HS3ST5: variants seen among roughly 807,000 people sequenced by gnomAD.
HS3ST5 encodes the protein heparan sulfate-glucosamine 3-sulfotransferase 5.
HS3ST5 carries 10 observed loss-of-function variants against 25.4 expected under a neutral mutation model. The ratio of observed to expected loss-of-function variants is 0.39; its 90% CI spans 0.24 to 0.67. The LOEUF (loss-of-function observed/expected upper bound fraction) is 0.67, where lower values mean the gene tolerates loss of function less well. HS3ST5 is among the 30% of genes least tolerant of loss of function. The pLI is 0.44. For missense variants in HS3ST5, 324 were observed against 420.7 expected (o/e 0.77, Z 2.01); for synonymous variants, 170 against 162.4 (o/e 1.05, Z -0.36).
At chr6:114,301,886 C>A (rs947249509) in intron 1 of HS3ST5, among the ~76,000 whole-genome samples, 9 of 152,130 alleles carry the variant, frequency 5.9e-5, no homozygotes, top group Admixed American at 4.6e-4. Context: ...GGAAGGGCAA[C>A]CAAGGGCTTT....
At chr6:114,324,728 T>A (rs769420481) in intron 1 of HS3ST5, among the ~76,000 whole-genome samples, 6 of 152,198 alleles carry the variant, frequency 3.9e-5, no homozygotes, top group Non-Finnish European at 5.9e-5. Context: ...CACTGTATAG[T>A]GGTGTTCTGA....
chr6:114,105,555 C>T (rs185902033), intron 3 of HS3ST5, among the ~76,000 whole-genome samples: 2 of 152,064 alleles, frequency 1.3e-5, no homozygotes, highest in East Asian at 3.9e-4. Flanking sequence ...GGAAATGTAA[C>T]CACAGTAACA....
chr6:114,314,756 T>TAC (rs1775681321), intron 1 of HS3ST5, among the ~76,000 whole-genome samples: 2 of 152,230 alleles, frequency 1.3e-5, no homozygotes, highest in Non-Finnish European at 2.9e-5. Context: ...AATTTTCATT[T>TAC]ACATCTGTTT....
At chr6:114,144,389 T>G (rs1778053593) in intron 3 of HS3ST5, among the ~76,000 whole-genome samples, 1 of 150,870 alleles carries the variant, frequency 6.6e-6, no homozygotes, top group Non-Finnish European at 1.5e-5. Flanking sequence ...ACAAATAAAA[T>G]CAGAGCCCGA....
intron 1 of HS3ST5, among the ~76,000 whole-genome samples, chr6:114,294,645 C>G (rs1159894007): frequency 6.6e-6 from 1 of 152,014 alleles, no homozygotes; most frequent in Non-Finnish European, 1.5e-5. Flanking sequence ...CGGGGTTTCA[C>G]CGTGGTCTCC....
At chr6:114,202,641 A>G (rs1236303059) in intron 2 of HS3ST5, among the ~76,000 whole-genome samples, 1 of 152,180 alleles carries the variant, frequency 6.6e-6, no homozygotes, top group African/African-American at 2.4e-5. Flanking sequence ...ATCCTCTCTT[A>G]GGAAATCATG....
intron 1 of HS3ST5, among the ~76,000 whole-genome samples, chr6:114,278,424 T>C (rs977375319): frequency 3.3e-5 from 5 of 151,872 alleles, no homozygotes; most frequent in African/African-American, 7.2e-5. Context: ...AACAGAAAAA[T>C]TTCTCCCAAA....
intron 1 of HS3ST5, among the ~76,000 whole-genome samples, chr6:114,238,426 G>A (rs1771955924): frequency 6.6e-6 from 1 of 152,156 alleles, no homozygotes; most frequent in Non-Finnish European, 1.5e-5. Context: ...TTACCAGTAT[G>A]TGATAAGTTA....
intron 3 of HS3ST5, among the ~76,000 whole-genome samples, chr6:114,119,298 T>C (rs557153315): frequency 2.2e-4 from 33 of 152,308 alleles, no homozygotes; most frequent in African/African-American, 7.5e-4. Flanking sequence ...TGGACCACCA[T>C]TGGGAGACTC....
chr6:114,205,441 T>C (rs542366109), intron 2 of HS3ST5, among the ~76,000 whole-genome samples: 3 of 152,152 alleles, frequency 2.0e-5, no homozygotes, highest in Non-Finnish European at 2.9e-5. Context: ...TTCCATTCCC[T>C]CTCCAGTTAC....
At chr6:114,317,591 C>A (rs1377059770) in intron 1 of HS3ST5, among the ~76,000 whole-genome samples, 1 of 152,018 alleles carries the variant, frequency 6.6e-6, no homozygotes, top group Non-Finnish European at 1.5e-5. Flanking sequence ...TTTCATACAT[C>A]CATCTGTTTA....
intron 3 of HS3ST5, among the ~76,000 whole-genome samples, chr6:114,129,100 A>G (rs1777199209): frequency 6.6e-6 from 1 of 152,190 alleles, no homozygotes; most frequent in Non-Finnish European, 1.5e-5. Flanking sequence ...GTGAGAATAT[A>G]AATCCTTTAG....
At chr6:114,336,023 G>C (rs1360176934) in intron 1 of HS3ST5, among the ~76,000 whole-genome samples, 4 of 152,160 alleles carry the variant, frequency 2.6e-5, no homozygotes, top group Non-Finnish European at 5.9e-5. Flanking sequence ...TCAAGCTTAA[G>C]TCTTAAAACA....
chr6:114,283,734 G>C (rs1397350294), intron 1 of HS3ST5, among the ~76,000 whole-genome samples: 6 of 151,902 alleles, frequency 3.9e-5, no homozygotes, highest in Admixed American at 3.9e-4. Context: ...CTAATGAGAT[G>C]TGCAATTCTT....
chr6:114,193,740 T>A (rs1780612620), intron 2 of HS3ST5, among the ~76,000 whole-genome samples: 1 of 152,166 alleles, frequency 6.6e-6, no homozygotes, highest in South Asian at 2.1e-4. Flanking sequence ...GACAACTACT[T>A]CTTGAGTAAT....
At chr6:114,084,452 A>G in intron 3 of HS3ST5, 2 of 757,014 alleles carry the variant, frequency 2.6e-6, no homozygotes, top group Non-Finnish European at 4.8e-6. Context: ...CTGTAGAAGT[A>G]GAGATCAGGC....
intron 3 of HS3ST5, among the ~76,000 whole-genome samples, chr6:114,125,692 G>A (rs963532299): frequency 6.6e-5 from 10 of 152,276 alleles, no homozygotes; most frequent in Admixed American, 5.2e-4. Context: ...CTGATTAATA[G>A]ATACCCACTG....
chr6:114,175,224 G>A (rs1779671324), intron 2 of HS3ST5, among the ~76,000 whole-genome samples: 1 of 152,156 alleles, frequency 6.6e-6, no homozygotes, highest in African/African-American at 2.4e-5. Flanking sequence ...TAAAGGGGAT[G>A]TTGTGACTGG....
chr6:114,193,081 A>C (rs1196391924), intron 2 of HS3ST5, among the ~76,000 whole-genome samples: 1 of 152,120 alleles, frequency 6.6e-6, no homozygotes, highest in Non-Finnish European at 1.5e-5. Context: ...AGCAGTCTTT[A>C]TCAAACCAGG....
Sources: gnomAD v4.1 joint callset for allele counts (sites outside exome capture counted in the v4.1 genomes callset) on GRCh38, gnomAD v4.1.1 for gene constraint, MANE v1.5 for transcripts, NCBI Gene and HGNC (gene_info 2026-07-23, HGNC 2026-07-21) for gene names.